The following CCDC170 variants were observed in gnomAD, a reference collection of about 807,000 sequenced individuals.
CCDC170 encodes the protein coiled-coil domain containing 170, also known as coiled-coil domain-containing protein 170.
CCDC170 carries 69 observed loss-of-function variants against 72.6 expected under a neutral mutation model. That is an observed-to-expected ratio of 0.95 (90% CI 0.78 to 1.16). CCDC170 has a LOEUF of 1.16. Ranked by LOEUF, CCDC170 falls within the 50% of genes most tolerant of loss-of-function variation. The pLI is 0.00. For synonymous variants in CCDC170, 300 were observed against 303.9 expected, an observed-to-expected ratio of 0.99 and a Z score of 0.13; for missense variants, 852 against 832.5, an observed-to-expected ratio of 1.02 and a Z score of -0.29.
At chr6:151,532,628 A>G (rs1782506808) in intron 1 of CCDC170, among the ~76,000 whole-genome samples, 1 of 152,102 alleles carries the variant, frequency 6.6e-6, no homozygotes, top group Non-Finnish European at 1.5e-5. Context: ...AAAGAAAAAA[A>G]AAGAATAAGG....
At chr6:151,543,687 T>C (rs994771200) in intron 3 of CCDC170, among the ~76,000 whole-genome samples, 3 of 152,294 alleles carry the variant, frequency 2.0e-5, no homozygotes, top group East Asian at 3.9e-4. Flanking sequence ...GTTCAATTTT[T>C]TGTAGCTTCC....
chr6:151,599,968 C>T (rs1776679445), intron 9 of CCDC170, among the ~76,000 whole-genome samples: 1 of 152,168 alleles, frequency 6.6e-6, no homozygotes, highest in Non-Finnish European at 1.5e-5. Context: ...GATCCACATA[C>T]TTTTACAGAT....
chr6:151,578,024 C>T (rs1052600782), intron 6 of CCDC170, among the ~76,000 whole-genome samples: 5 of 152,098 alleles, frequency 3.3e-5, no homozygotes, highest in Admixed American at 6.5e-5. Context: ...TCTCAGAGCC[C>T]GATTATCATT....
intron 1 of CCDC170, among the ~76,000 whole-genome samples, chr6:151,510,292 A>G (rs1382992244): frequency 6.6e-6 from 1 of 152,260 alleles, no homozygotes; most frequent in African/African-American, 2.4e-5. Context: ...GTGATGAACC[A>G]GAAGCCATTC....
chr6:151,502,687 A>G (rs1022441382), intron 1 of CCDC170, among the ~76,000 whole-genome samples: 3 of 152,224 alleles, frequency 2.0e-5, no homozygotes, highest in African/African-American at 7.2e-5. Flanking sequence ...ACTCAGGAGG[A>G]AATGGGAACC....
intron 6 of CCDC170, among the ~76,000 whole-genome samples, chr6:151,584,777 G>C (rs1776429000): frequency 6.6e-6 from 1 of 152,032 alleles, no homozygotes; most frequent in South Asian, 2.1e-4. Flanking sequence ...AAATCCTTTT[G>C]TTCTCCCATA....
At chr6:151,548,156 G>T in intron 4 of CCDC170, 148 bp from the exon 5 acceptor site, 3 of 617,530 alleles carry the variant, frequency 4.9e-6, no homozygotes, top group Non-Finnish European at 7.4e-6. Flanking sequence ...TTTACAGGCT[G>T]CCTTTGAAAA....
In CCDC170 at chr6:151,618,087, C is replaced by G; in HGVS notation, c.2088C>G (p.Leu696=). 1 of 1,614,112 alleles carries G rather than the reference C, an allele frequency of 6.2e-7. No individual in the cohort carries two copies. Among genetic ancestry groups the G allele is most frequent in the Non-Finnish European group, 8.5e-7 (1 of 1,180,022 alleles). The change falls in exon 11 of 11, where the codon CTC becomes CTG. Residue 696 remains leucine, a synonymous_variant. Transcript: ENST00000239374. ...ATCACTTTGTTACCTGTGCCTGCCT[C>G]AAAGATGTGACTACTGGGCAAGAGA... The part of the protein sequence containing the change: ...HQHHFVTCAC[L]KDVTTGQERH...
At chr6:151,616,101 G>A (rs892599829) in intron 10 of CCDC170, among the ~76,000 whole-genome samples, 1 of 152,126 alleles carries the variant, frequency 6.6e-6, no homozygotes, top group Non-Finnish European at 1.5e-5. Flanking sequence ...TGGTTCTGGG[G>A]AGGTTTTTGT....
At position 151,618,185 on chromosome 6, in the gene CCDC170, G is replaced by C. The variant is rs192409290; in HGVS notation, c.*38G>C. ...TTGAGAGAGGTGGCCATAAGACATG[G>C]CACACAATTCCCAATTTCACAAATT... On this transcript the variant is annotated 3_prime_UTR_variant, in exon 11 of 11. Coordinates refer to ENST00000239374, the MANE Select transcript of CCDC170 (RefSeq NM_025059.4). 443 of 1,536,860 alleles carry C rather than the reference G, an allele frequency of 2.9e-4. 2 individuals carry two copies. The African/African-American group carries it at 5.8e-3, about 20-fold the overall frequency.
At chr6:151,609,808 C>T (rs562391773) in intron 9 of CCDC170, among the ~76,000 whole-genome samples, 52 of 152,192 alleles carry the variant, frequency 3.4e-4, no homozygotes, top group Admixed American at 5.9e-4. Flanking sequence ...TGGCTCGGAG[C>T]TCCATTACTT....
intron 1 of CCDC170, among the ~76,000 whole-genome samples, chr6:151,511,221 G>A (rs1426323987): frequency 1.3e-5 from 2 of 152,090 alleles, no homozygotes; most frequent in Non-Finnish European, 2.9e-5. Context: ...TTTAAAATAG[G>A]GGGTTTATTA....
intron 9 of CCDC170, among the ~76,000 whole-genome samples, chr6:151,614,122 CATA>C (rs1430256085): frequency 6.6e-6 from 1 of 151,792 alleles, no homozygotes; most frequent in African/African-American, 2.4e-5. Flanking sequence ...ATAAAAATAA[CATA>C]ATATATATCA....
intron 6 of CCDC170, among the ~76,000 whole-genome samples, chr6:151,576,773 A>C (rs544486257): frequency 6.6e-6 from 1 of 152,328 alleles, no homozygotes; most frequent in Admixed American, 6.5e-5. Flanking sequence ...AATGTTTCTA[A>C]AGAATGGGAG....
intron 5 of CCDC170, among the ~76,000 whole-genome samples, chr6:151,561,915 A>G (rs1369696511): frequency 6.6e-6 from 1 of 152,294 alleles, no homozygotes; most frequent in East Asian, 1.9e-4. Flanking sequence ...GTTCATTTTT[A>G]AAATTATTTT....
rs980405655 is a variant in CCDC170, at chr6:151,620,364, G to A, written c.*2217G>A. Reference sequence around the variant, plus strand: ...GCTATCTCCTTCATGTGCAAGGACAGTATAAGTAGTATTTTGCATGTGAGT... The same window carrying A: ...GCTATCTCCTTCATGTGCAAGGACAATATAAGTAGTATTTTGCATGTGAGT... On this transcript the variant is annotated 3_prime_UTR_variant, in exon 11 of 11. Coordinates refer to ENST00000239374, the MANE Select transcript of CCDC170 (RefSeq NM_025059.4). The A allele has an allele frequency of 9.2e-5, 14 of 152,216 alleles. No homozygotes were observed. Among genetic ancestry groups the A allele is most frequent in the Non-Finnish European group, 1.2e-4 (8 of 68,058 alleles). 9.4% of individuals were successfully genotyped at this position (152,216 alleles called of 1,614,324 possible).
intron 8 of CCDC170, among the ~76,000 whole-genome samples, chr6:151,594,176 A>T (rs567773112): frequency 3.2e-4 from 49 of 152,350 alleles, no homozygotes; most frequent in African/African-American, 1.2e-3. Flanking sequence ...ATGTATTCTT[A>T]TAATAGTTCT....
At chr6:151,607,397 G>A (rs1188499537) in intron 9 of CCDC170, among the ~76,000 whole-genome samples, 4 of 152,050 alleles carry the variant, frequency 2.6e-5, no homozygotes, top group Non-Finnish European at 5.9e-5. Flanking sequence ...GCAGTTTGCA[G>A]TTTGGTGATT....
intron 7 of CCDC170, among the ~76,000 whole-genome samples, chr6:151,588,030 C>CATG (rs1436020661): frequency 1.3e-5 from 2 of 152,070 alleles, no homozygotes; most frequent in Admixed American, 6.6e-5. Flanking sequence ...GAGCCTGGGA[C>CATG]ATGATACTTG....
Sources: allele counts gnomAD v4.1 joint callset (sites outside exome capture counted in the v4.1 genomes callset), GRCh38; gene constraint gnomAD v4.1.1; transcripts MANE v1.5; gene names NCBI Gene and HGNC (gene_info 2026-07-23, HGNC 2026-07-21).